The following BTC variants were observed in gnomAD, a reference collection of about 807,000 sequenced individuals.
BTC encodes probetacellulin.
In BTC, 13 loss-of-function variants were observed where a neutral mutation model predicts 18.1. The observed-to-expected ratio is 0.72, with a 90% CI of 0.47 to 1.14. BTC has a LOEUF of 1.14. Among genes scored for constraint, BTC ranks in the 50% most tolerant of loss-of-function variants. The pLI is 0.00. For missense variants in BTC, 247 were observed against 224.2 expected (o/e 1.10, Z -0.65); for synonymous variants, 83 against 79.4 (o/e 1.05, Z -0.24).
In BTC at chr4:74,756,102, C is replaced by T. The variant is rs575102876; in HGVS notation, c.164-126G>A. On this transcript the variant is annotated intron_variant, in intron 2 of 5. Coordinates refer to ENST00000395743, the MANE Select transcript of BTC (RefSeq NM_001729.4). ...GTTTGAATCTCTCATTTTTCTTTCTCTCTGCACTGGGATAAAAGTCAGACT... is the reference window on the plus strand; with the variant it reads ...GTTTGAATCTCTCATTTTTCTTTCTTTCTGCACTGGGATAAAAGTCAGACT... The T allele has an allele frequency of 8.9e-6, 8 of 901,844 alleles. No homozygotes were observed. In the African/African-American group the frequency reaches 1.2e-4, roughly 13 times the overall value. 55.9% of individuals were successfully genotyped at this position (901,844 alleles called of 1,614,324 possible). A position where few individuals can be genotyped will look rare whatever the true frequency, so the allele number is the denominator to read the frequency against.
chr4:74,770,621 T>C (rs1417293539), intron 1 of BTC, among the ~76,000 whole-genome samples: 1 of 152,100 alleles, frequency 6.6e-6, no homozygotes, highest in Non-Finnish European at 1.5e-5. Flanking sequence ...ATGAGAATTC[T>C]TTAAAAATTT....
Position 74,746,028 on chromosome 4 carries a change from A to T in BTC, c.*649T>A, listed in dbSNP as rs1724279186. On this transcript the variant is annotated 3_prime_UTR_variant, in exon 6 of 6. Transcript: ENST00000395743. ...AAGACGGTCTTGACATCTCACAATCATACCAAAACACAGTTCAGTATAAAA... is the reference window on the plus strand; with the variant it reads ...AAGACGGTCTTGACATCTCACAATCTTACCAAAACACAGTTCAGTATAAAA... 1 of 152,216 alleles carries T rather than the reference A, an allele frequency of 6.6e-6. No individual in the cohort carries two copies. Among genetic ancestry groups the T allele is most frequent in the Admixed American group, 6.5e-5 (1 of 15,284 alleles). 9.4% of individuals were successfully genotyped at this position (152,216 alleles called of 1,614,324 possible).
intron 1 of BTC, among the ~76,000 whole-genome samples, chr4:74,775,764 TCACCTA>T (rs1725160315): frequency 6.6e-6 from 1 of 152,234 alleles, no homozygotes; most frequent in African/African-American, 2.4e-5. Context: ...CTCCTTGGAA[TCACCTA>T]AAATAAGTTT....
chr4:74,767,385 A>G (rs778058094), intron 2 of BTC, among the ~76,000 whole-genome samples: 5 of 152,028 alleles, frequency 3.3e-5, no homozygotes, highest in Non-Finnish European at 7.4e-5. Context: ...GAAATGAAAG[A>G]CTTGCACACT....
At chr4:74,763,074 A>G (rs2109892389) in intron 2 of BTC, among the ~76,000 whole-genome samples, 1 of 152,322 alleles carries the variant, frequency 6.6e-6, no homozygotes, top group Non-Finnish European at 1.5e-5. Context: ...GTCCACACAT[A>G]GACATGTTGA....
chr4:74,794,199 C>G (rs1725709510), intron 1 of BTC, 63 bp downstream of exon 1: 2 of 1,542,820 alleles, frequency 1.3e-6, no homozygotes, highest in African/African-American at 2.7e-5. Flanking sequence ...CAGGGTTCGC[C>G]CTCCCCGCGA....
At chr4:74,748,507 G>A (rs1553955733) in intron 4 of BTC, among the ~76,000 whole-genome samples, 1 of 151,962 alleles carries the variant, frequency 6.6e-6, no homozygotes, top group African/African-American at 2.4e-5. Context: ...CTGCACTCCA[G>A]CCTGGGCGAC....
rs536348871 is a variant in BTC, at chr4:74,765,919, A to G, written c.163+4139T>C. ...AGCAAACATCATAGAGTGTACTTACACAAATTTAGACGGTGTAGCCTATAC... is the reference window on the plus strand; with the variant it reads ...AGCAAACATCATAGAGTGTACTTACGCAAATTTAGACGGTGTAGCCTATAC... On this transcript the variant is annotated intron_variant, in intron 2 of 5. Transcript: ENST00000395743. Among the ~76,000 whole-genome samples the G allele has an allele frequency of 1.5e-4, 23 of 152,236 alleles. No homozygotes were observed. The South Asian group carries it at 4.8e-3, about 32-fold the overall frequency.
Position 74,794,272 on chromosome 4 carries a change from G to A in BTC, c.54C>T (p.Ala18=). The change falls in exon 1 of 6, where the codon GCC becomes GCT. Residue 18 remains alanine (A), a synonymous_variant. Transcript: ENST00000395743. The part of the protein sequence containing the change: ...SGASSLPLLL[A]LALGLVILHC... Reference sequence around the variant, plus strand: ...AGCACGGCCACTTACCCAGGGCAAGGGCCAGGAGCAGTGGCAGGGAGCTGG... The same window carrying A: ...AGCACGGCCACTTACCCAGGGCAAGAGCCAGGAGCAGTGGCAGGGAGCTGG... The A allele has an allele frequency of 6.5e-7, 1 of 1,550,058 alleles. No homozygotes were observed. The highest frequency in any genetic ancestry group is 8.7e-7 in the Non-Finnish European group (1 of 1,146,726).
intron 1 of BTC, among the ~76,000 whole-genome samples, chr4:74,786,580 G>A (rs28600316): frequency 0.17 from 25,609 of 151,990 alleles, 3,415 homozygotes; most frequent in African/African-American, 0.38. Context: ...TTGATTACTC[G>A]CCATTAATGA....
At chr4:74,770,915 ATGTGTGTGTGTGTGTG>A (rs61202126) in intron 1 of BTC, among the ~76,000 whole-genome samples, 4 of 141,886 alleles carry the variant, frequency 2.8e-5, no homozygotes, top group African/African-American at 1.0e-4. Flanking sequence ...TATATCGTGT[ATGTGTGTGTGTGTGTG>A]TGTGTGTGTG....
chr4:74,750,429 T>A, intron 4 of BTC, 144 bp downstream of exon 4: 1 of 767,062 alleles, frequency 1.3e-6, no homozygotes, highest in Non-Finnish European at 2.0e-6. Flanking sequence ...AATACTTCTA[T>A]ATCAACAATG....
chr4:74,753,091 A>G (rs1724507275), intron 3 of BTC, among the ~76,000 whole-genome samples: 1 of 152,210 alleles, frequency 6.6e-6, no homozygotes, highest in Admixed American at 6.5e-5. Flanking sequence ...CTCATGTAGG[A>G]GAAGAAGAGG....
chr4:74,754,826 T>A (rs1385415997), intron 3 of BTC, among the ~76,000 whole-genome samples: 2 of 152,036 alleles, frequency 1.3e-5, no homozygotes, highest in African/African-American at 4.8e-5. Flanking sequence ...TAGGAACCAA[T>A]TAGGGAAATG....
At chr4:74,777,675 A>G (rs1725212691) in intron 1 of BTC, among the ~76,000 whole-genome samples, 1 of 152,126 alleles carries the variant, frequency 6.6e-6, no homozygotes, top group Non-Finnish European at 1.5e-5. Context: ...GACACCTTCT[A>G]CATACATAGT....
At chr4:74,790,278 T>A (rs899004659) in intron 1 of BTC, among the ~76,000 whole-genome samples, 2 of 152,238 alleles carry the variant, frequency 1.3e-5, no homozygotes, top group Non-Finnish European at 2.9e-5. Context: ...TTATAATAAC[T>A]CATGCTTATT....
chr4:74,761,159 G>C (rs1030610774), intron 2 of BTC, among the ~76,000 whole-genome samples: 1 of 151,662 alleles, frequency 6.6e-6, no homozygotes, highest in African/African-American at 2.4e-5. Flanking sequence ...CAATATTGAA[G>C]CATGGGTATC....
At chr4:74,763,961 G>C (rs1188904228) in intron 2 of BTC, among the ~76,000 whole-genome samples, 1 of 150,270 alleles carries the variant, frequency 6.7e-6, no homozygotes, top group Non-Finnish European at 1.5e-5. Flanking sequence ...ACAGCCCACT[G>C]TATCCTGTAA....
At chr4:74,780,503 G>A (rs1227704525) in intron 1 of BTC, among the ~76,000 whole-genome samples, 1 of 152,144 alleles carries the variant, frequency 6.6e-6, no homozygotes, top group Admixed American at 6.6e-5. Flanking sequence ...CTAAAAATGA[G>A]CAGGGATTTT....
Sources: gnomAD v4.1 joint callset for allele counts (sites outside exome capture counted in the v4.1 genomes callset) on GRCh38, gnomAD v4.1.1 for gene constraint, MANE v1.5 for transcripts, NCBI Gene and HGNC (gene_info 2026-07-23, HGNC 2026-07-21) for gene names.